Variants in HTRA4 observed in about 807,000 individuals in gnomAD.
HTRA4 encodes HtrA serine peptidase 4.
In HTRA4, 46 loss-of-function variants were observed where a neutral mutation model predicts 49.1. That is an observed-to-expected ratio of 0.94 (90% CI 0.74 to 1.20). The LOEUF (loss-of-function observed/expected upper bound fraction) is 1.20, where lower values mean the gene tolerates loss of function less well. HTRA4 is among the 50% of genes most tolerant of loss of function. The pLI is 0.00. For synonymous variants in HTRA4, 261 were observed against 264.0 expected (o/e 0.99, Z 0.11); for missense variants, 602 against 636.9 (o/e 0.95, Z 0.59).
At chr8:38,977,478 C>T (rs888185653) in intron 3 of HTRA4, among the ~76,000 whole-genome samples, 2 of 152,102 alleles carry the variant, frequency 1.3e-5, no homozygotes, top group Admixed American at 6.5e-5. Context: ...TCAGCCTTTA[C>T]CCAGATAGAT....
chr8:38,979,417 TACAAAA>T (rs937551902), intron 5 of HTRA4, among the ~76,000 whole-genome samples, 170 bp downstream of exon 5: 1 of 152,046 alleles, frequency 6.6e-6, no homozygotes, highest in East Asian at 1.9e-4. Flanking sequence ...ACACCATATC[TACAAAA>T]ACAAAAACAA....
chr8:38,978,863 C>T (rs546476914), intron 4 of HTRA4, among the ~76,000 whole-genome samples: 12 of 152,016 alleles, frequency 7.9e-5, no homozygotes, highest in African/African-American at 2.7e-4. Flanking sequence ...GGCATGGTGG[C>T]GGGTGCCTGT....
chr8:38,980,344 A>C (rs1332323470), intron 5 of HTRA4, among the ~76,000 whole-genome samples: 1 of 151,908 alleles, frequency 6.6e-6, no homozygotes, highest in East Asian at 1.9e-4. Context: ...TCCATTAGAC[A>C]ATGAGTTTAC....
intron 8 of HTRA4, among the ~76,000 whole-genome samples, chr8:38,986,280 TTTATTA>T (rs1213621190): frequency 1.3e-5 from 2 of 152,138 alleles, no homozygotes; most frequent in Non-Finnish European, 2.9e-5. Flanking sequence ...GTGTTTTATT[TTTATTA>T]TTATTATTTT....
In HTRA4 at chr8:38,977,933, C is replaced by T; in HGVS notation, c.772-20C>T. 1 of 1,610,278 alleles carries T rather than the reference C, an allele frequency of 6.2e-7. No individual in the cohort carries two copies. The highest frequency in any genetic ancestry group is 8.5e-7 in the Non-Finnish European group (1 of 1,178,496). On this transcript the variant is annotated intron_variant, in intron 3 of 8. Transcript: ENST00000302495. ...TCTTTACCCTTTCTGTCCTCCCCATCCCTTTTTGGGCACGTGCAGGCTGAA... is the reference window on the plus strand; with the variant it reads ...TCTTTACCCTTTCTGTCCTCCCCATTCCTTTTTGGGCACGTGCAGGCTGAA...
intron 5 of HTRA4, among the ~76,000 whole-genome samples, chr8:38,980,439 C>G (rs927496817): frequency 6.6e-6 from 1 of 152,034 alleles, no homozygotes; most frequent in African/African-American, 2.4e-5. Context: ...TCAGAAATCT[C>G]TTTTCTGGCT....
intron 4 of HTRA4, 132 bp from the exon 5 acceptor site, chr8:38,979,083 A>G: frequency 1.3e-6 from 1 of 790,238 alleles, no homozygotes; most frequent in Non-Finnish European, 2.2e-6. Flanking sequence ...TAGGGGCACA[A>G]TTTTGCCGGC....
intron 6 of HTRA4, among the ~76,000 whole-genome samples, chr8:38,982,020 G>A (rs758830940): frequency 1.3e-5 from 2 of 151,950 alleles, no homozygotes; most frequent in Non-Finnish European, 2.9e-5. Context: ...GCTCATTTTC[G>A]TATTTTCAGT....
At chr8:38,983,103 A>T (rs1330362037) in intron 8 of HTRA4, 55 bp downstream of exon 8, 5 of 1,160,654 alleles carry the variant, frequency 4.3e-6, no homozygotes, top group South Asian at 1.3e-5. Context: ...AATGTGTGCC[A>T]TGGTAAAATG....
intron 8 of HTRA4, among the ~76,000 whole-genome samples, chr8:38,983,862 T>C (rs1835453869): frequency 1.3e-5 from 2 of 152,114 alleles, no homozygotes; most frequent in African/African-American, 4.8e-5. Flanking sequence ...GAAGAGCTCA[T>C]GTTATGAGTT....
At chr8:38,977,179 G>A (rs1467092050) in intron 3 of HTRA4, among the ~76,000 whole-genome samples, 2 of 151,620 alleles carry the variant, frequency 1.3e-5, no homozygotes, top group Non-Finnish European at 2.9e-5. Flanking sequence ...CAAGTGATCC[G>A]CCCGCTTCGG....
chr8:38,976,831 A>G (rs1206754421), intron 3 of HTRA4, 92 bp downstream of exon 3: 2 of 1,183,098 alleles, frequency 1.7e-6, no homozygotes, highest in Non-Finnish European at 2.5e-6. Context: ...CTCACACCAC[A>G]TCTTTTCTGT....
intron 6 of HTRA4, 82 bp downstream of exon 6, chr8:38,981,849 TTTTTTG>T (rs1444851508): frequency 6.8e-6 from 7 of 1,027,778 alleles, no homozygotes; most frequent in Non-Finnish European, 8.9e-6. Flanking sequence ...TGACAGCAAT[TTTTTTG>T]TTTTTGTTTT....
chr8:38,982,245 C>G (rs1168909252), intron 6 of HTRA4, among the ~76,000 whole-genome samples: 1 of 152,120 alleles, frequency 6.6e-6, no homozygotes, highest in Non-Finnish European at 1.5e-5. Context: ...GGACTAGGCA[C>G]AAACCAAGCA....
chr8:38,980,785 T>A (rs1835409384), intron 5 of HTRA4, among the ~76,000 whole-genome samples: 1 of 151,850 alleles, frequency 6.6e-6, no homozygotes, highest in African/African-American at 2.4e-5. Flanking sequence ...TCCTTTCCCA[T>A]TACCTAAAAG....
At chr8:38,981,589 T>C in intron 5 of HTRA4, 64 bp from the exon 6 acceptor site, 1 of 1,065,112 alleles carries the variant, frequency 9.4e-7, no homozygotes, top group Non-Finnish European at 1.4e-6. Flanking sequence ...CTTCTGCTTG[T>C]TCTGGTCTTG....
chr8:38,977,421 C>T (rs1835366607), intron 3 of HTRA4, among the ~76,000 whole-genome samples: 1 of 152,180 alleles, frequency 6.6e-6, no homozygotes, highest in Admixed American at 6.5e-5. Flanking sequence ...GTCTGCACAT[C>T]ACATATATTG....
intron 5 of HTRA4, 41 bp from the exon 6 acceptor site, chr8:38,981,612 T>G (rs370104878): frequency 8.9e-6 from 13 of 1,456,600 alleles, no homozygotes; most frequent in Non-Finnish European, 1.3e-5. Context: ...CTCATCAGTT[T>G]GCAAAACTTC....
At chr8:38,986,875 G>C (rs1835488098) in intron 8 of HTRA4, among the ~76,000 whole-genome samples, 1 of 152,190 alleles carries the variant, frequency 6.6e-6, no homozygotes, top group Admixed American at 6.5e-5. Context: ...TGTCCTGTCT[G>C]AGCCATAGTT....
Sources: allele counts gnomAD v4.1 joint callset (sites outside exome capture counted in the v4.1 genomes callset), GRCh38; gene constraint gnomAD v4.1.1; transcripts MANE v1.5; gene names NCBI Gene and HGNC (gene_info 2026-07-23, HGNC 2026-07-21).